Variants in FAM76B observed in about 807,000 individuals in gnomAD.
FAM76B encodes protein FAM76B.
A neutral mutation model predicts 51.8 loss-of-function variants in FAM76B; 16 were observed. The observed-to-expected ratio is 0.31, with a 90% CI of 0.21 to 0.47. FAM76B has a LOEUF of 0.47. Among genes scored for constraint, FAM76B ranks in the 20% least tolerant of loss-of-function variants. The pLI, the probability that FAM76B is intolerant of heterozygous loss-of-function variation, is 1.00. For missense variants in FAM76B, 342 were observed against 392.6 expected, an observed-to-expected ratio of 0.87 and a Z score of 1.09; for synonymous variants, 166 against 129.5, an observed-to-expected ratio of 1.28 and a Z score of -1.91.
chr11:95,778,670 T>G, intron 8 of FAM76B, 152 bp downstream of exon 8: 2 of 876,954 alleles, frequency 2.3e-6, no homozygotes, highest in Non-Finnish European at 3.2e-6. Flanking sequence ...CCATCTTCAT[T>G]AGATGGCTTC....
rs908915933 is a variant in FAM76B, at chr11:95,782,207, G to GTAC, written c.563+855_563+857dup. On this transcript the variant is annotated intron_variant, in intron 5 of 9. Transcript: ENST00000358780. Reference sequence around the variant, plus strand: ...TATACCACACACATCAAGGGTTAAGGTACTACTACTACTACATAACTCCCC... The same window carrying GTAC: ...TATACCACACACATCAAGGGTTAAGGTACTACTACTACTACTACATAACTCCCC... Among the ~76,000 whole-genome samples, 18 of 152,118 alleles carry GTAC rather than the reference G, an allele frequency of 1.2e-4. 1 individual carries two copies. Among genetic ancestry groups the GTAC allele is most frequent in the East Asian group, 3.9e-4 (2 of 5,184 alleles).
chr11:95,779,675 A>G lies in FAM76B; in HGVS notation c.624T>C (p.Ser208=), dbSNP rs1392399858. The change falls in exon 7 of 10, where the codon TCT becomes TCC. Residue 208 remains serine, a synonymous_variant. Transcript: ENST00000358780. ...TTGGAGTTTCATTCTGAATTGTTGC[A>G]GAGGATTTATGGCTGAAACCAAACA... The part of the protein sequence containing the change: ...QGLWKQSHKS[S]ATIQNETPKK... 5.0e-6 allele frequency: 8 copies of G among 1,609,856 alleles called. No homozygotes were observed. The highest frequency in any genetic ancestry group is 5.9e-6 in the Non-Finnish European group (7 of 1,177,878).
At chr11:95,787,334 C>G (rs1021152220) in intron 3 of FAM76B, among the ~76,000 whole-genome samples, 1 of 152,026 alleles carries the variant, frequency 6.6e-6, no homozygotes, top group African/African-American at 2.4e-5. Flanking sequence ...CCTGAGTTCA[C>G]GCCATTCTCC....
intron 5 of FAM76B, among the ~76,000 whole-genome samples, chr11:95,780,945 GA>G (rs1360498887): frequency 6.6e-6 from 1 of 151,546 alleles, no homozygotes; most frequent in African/African-American, 2.4e-5. Context: ...TTAAGCAAAA[GA>G]AAAAAACAAA....
chr11:95,782,553 A>G (rs1294874435), intron 5 of FAM76B, among the ~76,000 whole-genome samples: 1 of 152,146 alleles, frequency 6.6e-6, no homozygotes, highest in Non-Finnish European at 1.5e-5. Flanking sequence ...AAAAAAACAC[A>G]AAGTATCATT....
Position 95,787,335 on chromosome 11 carries a change from G to A in FAM76B, c.207+289C>T, listed in dbSNP as rs572999591. Among the ~76,000 whole-genome samples the A allele has an allele frequency of 1.2e-4, 19 of 152,048 alleles. No homozygotes were observed. The South Asian group carries it at 3.1e-3, about 25-fold the overall frequency. The stretch of plus-strand genomic sequence containing the variant: ...TGCAAACTCCGCCTCCTGAGTTCAC[G>A]CCATTCTCCTGCCTCAGCCTCTGGA... On this transcript the variant is annotated intron_variant, in intron 3 of 9. Coordinates refer to ENST00000358780, the MANE Select transcript of FAM76B (RefSeq NM_144664.5).
At chr11:95,779,729 C>A (rs1475686856) in intron 6 of FAM76B, 42 bp from the exon 7 acceptor site, 2 of 1,588,486 alleles carry the variant, frequency 1.3e-6, no homozygotes, top group East Asian at 2.3e-5. Flanking sequence ...GTAAAAAGGA[C>A]AGAGAAACCA....
At chr11:95,781,576 C>T (rs1051240971) in intron 5 of FAM76B, among the ~76,000 whole-genome samples, 4 of 152,158 alleles carry the variant, frequency 2.6e-5, no homozygotes, top group Middle Eastern at 3.4e-3. Context: ...TTACATCATG[C>T]TAAGACAAAT....
Position 95,779,741 on chromosome 11 carries a change from A to G in FAM76B, c.612-54T>C, listed in dbSNP as rs561452289. On this transcript the variant is annotated intron_variant, in intron 6 of 9. Coordinates refer to ENST00000358780, the MANE Select transcript of FAM76B (RefSeq NM_144664.5). ...AGAGTAAAAAGGACAGAGAAACCAA[A>G]TGATAAGTTATTCATCTTCCCCTAA... 33 of 1,582,308 alleles carry G rather than the reference A, an allele frequency of 2.1e-5. No homozygotes were observed. In the African/African-American group the frequency reaches 4.0e-4, roughly 19 times the overall value.
intron 9 of FAM76B, among the ~76,000 whole-genome samples, chr11:95,772,556 A>C (rs1021453197): frequency 6.6e-6 from 1 of 151,192 alleles, no homozygotes; most frequent in South Asian, 2.1e-4. Flanking sequence ...CAAAATGGGG[A>C]AAGTGATGAA....
chr11:95,786,124 T>C lies in FAM76B; in HGVS notation c.358A>G (p.Arg120Gly). ...CAFDRKEEGRRKVDGKLLCWL... is the reference protein window; with the variant it reads ...CAFDRKEEGRGKVDGKLLCWL... ...ATAACATAAATAAAGCATACCTTTCTTCTTCCTTCCTCCTTCCGATCAAAA... is the reference window on the plus strand; with the variant it reads ...ATAACATAAATAAAGCATACCTTTCCTCTTCCTTCCTCCTTCCGATCAAAA... Residue 120 changes from arginine (R) to glycine (G), a missense_variant, in exon 4 of 10, where the codon AGA becomes GGA. Physicochemically the swap from Arg to Gly is moderately radical, Grantham distance 125. Transcript: ENST00000358780. 1 of 1,606,960 alleles carries C rather than the reference T, an allele frequency of 6.2e-7. No individual in the cohort carries two copies. Among genetic ancestry groups the C allele is most frequent in the Non-Finnish European group, 8.5e-7 (1 of 1,176,648 alleles).
In FAM76B at chr11:95,786,385, TTTG is replaced by T; in HGVS notation, c.208-114_208-112del. On this transcript the variant is annotated intron_variant, in intron 3 of 9. Coordinates refer to ENST00000358780, the MANE Select transcript of FAM76B (RefSeq NM_144664.5). ...GAATTAAGAAAACTCAGGTAAAAAA[TTTG>T]TTTTCTGTCAAGTTTGTTGCCCTGT... 7 of 1,374,802 alleles carry T rather than the reference TTTG, an allele frequency of 5.1e-6. No individual in the cohort carries two copies. In the South Asian group the frequency reaches 1.1e-4, roughly 21 times the overall value. The allele number at this position is 1,374,802 out of a possible 1,614,324, so 85.2% of individuals were successfully genotyped here. A position where few individuals can be genotyped will look rare whatever the true frequency, so the allele number is the denominator to read the frequency against.
At chr11:95,773,760 A>C (rs1214866775) in intron 9 of FAM76B, among the ~76,000 whole-genome samples, 1 of 151,280 alleles carries the variant, frequency 6.6e-6, no homozygotes, top group Non-Finnish European at 1.5e-5. Context: ...TTTCCTTTTA[A>C]CCACTTACCT....
rs138534952 is a variant in FAM76B, at chr11:95,788,733, T to G, written c.88-170A>C. 5.4e-6 allele frequency: 7 copies of G among 1,286,554 alleles called. No individual in the cohort carries two copies. The African/African-American group carries it at 6.0e-5, about 11-fold the overall frequency. 79.7% of individuals were successfully genotyped at this position (1,286,554 alleles called of 1,614,324 possible). On this transcript the variant is annotated intron_variant, in intron 1 of 9. Transcript: ENST00000358780. ...TATAAGTGGCCAATCACAATATAAT[T>G]CCTTAGGGAAGGCACAGGTGTCTTT...
At position 95,779,871 on chromosome 11, in the gene FAM76B, GT is replaced by G. The variant is rs771458303; in HGVS notation, c.611+7del. 1.1e-4 allele frequency: 174 copies of G among 1,601,390 alleles called. No individual in the cohort carries two copies. Among genetic ancestry groups the G allele is most frequent in the Middle Eastern group, 1.7e-4 (1 of 6,036 alleles). Reference sequence around the variant, plus strand: ...AAAATACTTCAGAAAATACAGCAATGTATTTACCTCTGTTTCCACAGTCCCT... The same window carrying G: ...AAAATACTTCAGAAAATACAGCAATGATTTACCTCTGTTTCCACAGTCCCT... On this transcript the variant is annotated splice_region_variant and intron_variant, in intron 6 of 9. Coordinates refer to ENST00000358780, the MANE Select transcript of FAM76B (RefSeq NM_144664.5).
chr11:95,788,976 T>G (rs961782345), intron 1 of FAM76B: 3 of 1,347,572 alleles, frequency 2.2e-6, no homozygotes, highest in Non-Finnish European at 2.9e-6. Context: ...TGCCATCAGC[T>G]TTGCGGCTTC....
intron 2 of FAM76B, among the ~76,000 whole-genome samples, 184 bp from the exon 3 acceptor site, chr11:95,787,862 T>G (rs1303741162): frequency 6.6e-6 from 1 of 152,216 alleles, no homozygotes; most frequent in Non-Finnish European, 1.5e-5. Flanking sequence ...GACAAATGTT[T>G]TTATACATTT....
chr11:95,780,461 G>C (rs1345907466), intron 5 of FAM76B, among the ~76,000 whole-genome samples: 2 of 151,794 alleles, frequency 1.3e-5, no homozygotes, highest in Non-Finnish European at 2.9e-5. Context: ...TTAGTATTCT[G>C]GAGAAGTTAC....
intron 3 of FAM76B, among the ~76,000 whole-genome samples, chr11:95,787,407 T>A (rs1223424544): frequency 6.6e-6 from 1 of 152,056 alleles, no homozygotes; most frequent in Non-Finnish European, 1.5e-5. Context: ...CTCATTTTTT[T>A]TTTGTTGTAT....
Sources: gnomAD v4.1 joint callset for allele counts (sites outside exome capture counted in the v4.1 genomes callset) on GRCh38, gnomAD v4.1.1 for gene constraint, MANE v1.5 for transcripts, NCBI Gene and HGNC (gene_info 2026-07-23, HGNC 2026-07-21) for gene names.